PALM: variants seen among roughly 807,000 people sequenced by gnomAD.
PALM encodes paralemmin-1.
A neutral mutation model predicts 30.7 loss-of-function variants in PALM; 18 were observed. The observed-to-expected ratio is 0.59, with a 90% CI of 0.41 to 0.87. PALM has a LOEUF of 0.87. Among genes scored for constraint, PALM ranks in the 40% least tolerant of loss-of-function variants. The probability of loss-of-function intolerance (pLI) is 0.00; values close to 1 mark genes in which losing one functional copy is unlikely to be tolerated. For missense variants in PALM, 529 were observed against 555.4 expected (o/e 0.95, Z 0.48); for synonymous variants, 286 against 242.8 (o/e 1.18, Z -1.66).
chr19:719,599 C>G (rs899034570), intron 1 of PALM: 1 of 986,118 alleles, frequency 1.0e-6, no homozygotes, highest in Non-Finnish European at 1.2e-6. Flanking sequence ...GCACCAGGAC[C>G]GCCGCCGCCC....
intron 4 of PALM, 63 bp downstream of exon 4, chr19:727,757 G>C (rs2032736219): frequency 6.9e-7 from 1 of 1,455,126 alleles, no homozygotes; most frequent in South Asian, 1.3e-5. Context: ...TGGCTCCCGG[G>C]AGGGTGTGGG....
At chr19:713,130 G>A (rs2032138557) in intron 1 of PALM, among the ~76,000 whole-genome samples, 1 of 151,766 alleles carries the variant, frequency 6.6e-6, no homozygotes, top group Non-Finnish European at 1.5e-5. Context: ...GCCGGGGACA[G>A]GGGAGGGTTT....
chr19:720,508 A>AG (rs2032437188), intron 1 of PALM, among the ~76,000 whole-genome samples: 1 of 79,306 alleles, frequency 1.3e-5, no homozygotes, highest in African/African-American at 4.7e-5. Flanking sequence ...GGGAGAGGTG[A>AG]GGGGGGCGCC....
intron 5 of PALM, among the ~76,000 whole-genome samples, chr19:733,013 A>G (rs1028195218): frequency 4.0e-5 from 6 of 151,088 alleles, no homozygotes; most frequent in East Asian, 1.9e-4. Flanking sequence ...AGCAACCTCT[A>G]CCTCCTGGGT....
At chr19:714,936 T>C (rs115246393) in intron 1 of PALM, among the ~76,000 whole-genome samples, 1,829 of 151,988 alleles carry the variant, frequency 0.012, 37 homozygotes, top group African/African-American at 0.041. Context: ...AGTACACACA[T>C]GTGAGCCACT....
In PALM at chr19:732,764, T is replaced by A. The variant is rs78241645; in HGVS notation, c.421-1409T>A. Reference sequence around the variant, plus strand: ...TCACGTCAGGTGGGAAGATGGCGTGTATTGGGGACCACCCAGGGAGGGTGG... The same window carrying A: ...TCACGTCAGGTGGGAAGATGGCGTGAATTGGGGACCACCCAGGGAGGGTGG... On this transcript the variant is annotated intron_variant, in intron 5 of 8. Coordinates refer to ENST00000338448, the MANE Select transcript of PALM (RefSeq NM_002579.3). Among the ~76,000 whole-genome samples the A allele has an allele frequency of 0.02, 2,991 of 150,498 alleles. 242 individuals are homozygous for A. The East Asian group carries it at 0.28, about 14-fold the overall frequency.
intron 1 of PALM, among the ~76,000 whole-genome samples, chr19:723,936 T>C (rs1437120974): frequency 6.6e-6 from 1 of 151,768 alleles, no homozygotes; most frequent in Non-Finnish European, 1.5e-5. Flanking sequence ...CGTGCAGCTT[T>C]CTGAGGGCCC....
chr19:734,115 C>T lies in PALM; in HGVS notation c.421-58C>T, dbSNP rs1381271542. ...TCCCCAGGCTCCTGACCCCATGGCT[C>T]CCCTTCCTCTTCCCGGGGATGCTGA... On this transcript the variant is annotated intron_variant, in intron 5 of 8. Transcript: ENST00000338448. The T allele has an allele frequency of 3.2e-6, 5 of 1,582,356 alleles. No individual in the cohort carries two copies. The African/African-American group carries it at 4.0e-5, about 13-fold the overall frequency.
chr19:728,510 T>C (rs1010201486), intron 4 of PALM, among the ~76,000 whole-genome samples: 1 of 152,088 alleles, frequency 6.6e-6, no homozygotes, highest in East Asian at 1.9e-4. Context: ...GGGCAGGGCG[T>C]GTAAAGGCAT....
chr19:744,515 A>G (rs1461907924), intron 8 of PALM, among the ~76,000 whole-genome samples: 1 of 152,214 alleles, frequency 6.6e-6, no homozygotes, highest in Non-Finnish European at 1.5e-5. Flanking sequence ...ACAAAAATAA[A>G]TGAATGAAAC....
chr19:740,100 G>A (rs1035043419), intron 7 of PALM, among the ~76,000 whole-genome samples: 4 of 152,216 alleles, frequency 2.6e-5, no homozygotes, highest in Non-Finnish European at 5.9e-5. Context: ...CCATCTGGGC[G>A]GACAGCAGGA....
Position 734,200 on chromosome 19 carries a change from A to T in PALM, c.442+6A>T. 6.2e-7 allele frequency: 1 copy of T among 1,613,430 alleles called. No individual in the cohort carries two copies. The highest frequency in any genetic ancestry group is 8.5e-7 in the Non-Finnish European group (1 of 1,179,712). On this transcript the variant is annotated splice_donor_region_variant and intron_variant, in intron 6 of 8. Transcript: ENST00000338448. ...GCCGGTGGGCACGCCCAAAGGTAGG[A>T]CCTCTGGAAGGAACTCGTGGGGCCT...
Position 746,292 on chromosome 19 carries a change from T to C in PALM, c.642T>C (p.His214=). The C allele has an allele frequency of 1.2e-6, 2 of 1,612,578 alleles. No individual in the cohort carries two copies. Among genetic ancestry groups the C allele is most frequent in the Admixed American group, 1.7e-5 (1 of 59,752 alleles). ...KVYEDETKVV[H]AVDGTAENGI... ...CTGTCTCTCCTTGTACAGTGGTCCATGCTGTGGACGGCACCGCCGAGAACG... is the reference window on the plus strand; with the variant it reads ...CTGTCTCTCCTTGTACAGTGGTCCACGCTGTGGACGGCACCGCCGAGAACG... Residue 214 remains histidine, a synonymous_variant, in exon 9 of 9, where the codon CAT becomes CAC. Transcript: ENST00000338448. The surrounding 1 kb of genome is among the most constrained non-coding windows in gnomAD (Gnocchi z 7.1).
chr19:725,618 TG>T, intron 1 of PALM, among the ~76,000 whole-genome samples: 1 of 152,286 alleles, frequency 6.6e-6, no homozygotes, highest in African/African-American at 2.4e-5. Context: ...AATCCGGACT[TG>T]GATCCTTTGC....
chr19:725,914 C>T (rs529595699), intron 1 of PALM, among the ~76,000 whole-genome samples: 3 of 152,208 alleles, frequency 2.0e-5, no homozygotes, highest in Non-Finnish European at 4.4e-5. Flanking sequence ...CTCCCCAAAC[C>T]CTTCCTGGTC....
Position 747,524 on chromosome 19 carries a change from C to T in PALM, c.*710C>T, listed in dbSNP as rs2144942257. ...GGGCTATCTTCTAGACGGGGCGAAC[C>T]AGGGGTCATTGACCTGCCCCCTGCA... On this transcript the variant is annotated 3_prime_UTR_variant, in exon 9 of 9. Transcript: ENST00000338448. 1 of 152,716 alleles carries T rather than the reference C, an allele frequency of 6.5e-6. No homozygotes were observed. The highest frequency in any genetic ancestry group is 1.9e-4 in the East Asian group (1 of 5,162). 9.5% of individuals were successfully genotyped at this position (152,716 alleles called of 1,614,324 possible). A position where few individuals can be genotyped will look rare whatever the true frequency, so the allele number is the denominator to read the frequency against.
chr19:738,189 A>C (rs2033078598), intron 7 of PALM, among the ~76,000 whole-genome samples: 1 of 151,938 alleles, frequency 6.6e-6, no homozygotes, highest in Non-Finnish European at 1.5e-5. Context: ...TCAGGAGTTC[A>C]AGACCAGCCT....
rs1568234093 is a variant in PALM at position 742,884 on chromosome 19, CG to C, written c.634+2402del. 6.6e-6 allele frequency among the ~76,000 whole-genome samples: 1 copy of C among 152,160 alleles called. No homozygotes were observed. Among genetic ancestry groups the C allele is most frequent in the East Asian group, 1.9e-4 (1 of 5,198 alleles). On this transcript the variant is annotated intron_variant, in intron 8 of 8. Coordinates refer to ENST00000338448, the MANE Select transcript of PALM (RefSeq NM_002579.3). This position sits in a 1 kb window ranked among gnomAD's most constrained non-coding sequence, Gnocchi z 5.5. Reference sequence around the variant, plus strand: ...GAATTTGTGTGCAAGTATTTGTTCACGCCCCTGCTTTCGAGGCCTTTGGGTG... The same window carrying C: ...GAATTTGTGTGCAAGTATTTGTTCACCCCCTGCTTTCGAGGCCTTTGGGTG...
intron 7 of PALM, among the ~76,000 whole-genome samples, chr19:740,083 A>G (rs1362285470): frequency 6.6e-6 from 1 of 152,246 alleles, no homozygotes; most frequent in Admixed American, 6.5e-5. Context: ...GAGTACAGGG[A>G]CGAGGACCAT....
Sources: allele counts gnomAD v4.1 joint callset (sites outside exome capture counted in the v4.1 genomes callset), GRCh38; gene constraint gnomAD v4.1.1; non-coding constraint Gnocchi (gnomAD v3.1); transcripts MANE v1.5; gene names NCBI Gene and HGNC (gene_info 2026-07-23, HGNC 2026-07-21).